Variants in MUC13 observed in about 807,000 individuals in gnomAD.
MUC13 encodes the protein mucin 13, cell surface associated, also known as mucin-13.
A neutral mutation model predicts 48.3 loss-of-function variants in MUC13; 32 were observed. That is an observed-to-expected ratio of 0.66 (90% CI 0.50 to 0.89). MUC13 has a LOEUF of 0.89. MUC13 is among the 40% of genes least tolerant of loss of function. The pLI is 0.00. For synonymous variants in MUC13, 199 were observed against 224.9 expected (o/e 0.88, Z 1.03); for missense variants, 571 against 622.8 (o/e 0.92, Z 0.88).
At chr3:124,913,937 C>T (rs767613490) in intron 6 of MUC13, among the ~76,000 whole-genome samples, 6 of 152,124 alleles carry the variant, frequency 3.9e-5, no homozygotes, top group African/African-American at 7.2e-5. Context: ...TGGCAAGCTC[C>T]TGTAGTCCCA....
chr3:124,913,452 T>G, intron 7 of MUC13, 110 bp downstream of exon 7: 1 of 1,543,174 alleles, frequency 6.5e-7, no homozygotes, highest in Non-Finnish European at 8.9e-7. Context: ...AGAAGTCAGA[T>G]CACTCGGACT....
chr3:124,912,863 G>C (rs997757802), intron 8 of MUC13, among the ~76,000 whole-genome samples: 3 of 151,578 alleles, frequency 2.0e-5, no homozygotes, highest in Admixed American at 6.6e-5. Flanking sequence ...TTGAACCTGG[G>C]GGGTGGAGGT....
chr3:124,931,851 T>C (rs1935804567), intron 1 of MUC13, among the ~76,000 whole-genome samples: 1 of 151,992 alleles, frequency 6.6e-6, no homozygotes, highest in Non-Finnish European at 1.5e-5. Flanking sequence ...GAGAACAGCC[T>C]GGCCAATGTA....
intron 1 of MUC13, 95 bp downstream of exon 1, chr3:124,934,566 C>A: frequency 1.2e-6 from 1 of 830,278 alleles, no homozygotes; most frequent in South Asian, 1.4e-5. Flanking sequence ...AGACCATGTG[C>A]TGGGCTGGGA....
At chr3:124,920,351 A>C in intron 4 of MUC13, 62 bp from the exon 5 acceptor site, 1 of 1,286,170 alleles carries the variant, frequency 7.8e-7, no homozygotes, top group East Asian at 2.5e-5. Flanking sequence ...TTTTCTACAA[A>C]TCAAATGAGG....
Position 124,913,012 on chromosome 3 carries a change from A to C in MUC13, c.1214+99T>G, listed in dbSNP as rs567733282. Reference sequence around the variant, plus strand: ...TGTCTCTACCAACCTATGACAGCTTACCAGCTTCCTGACTCAACACCTATA... The same window carrying C: ...TGTCTCTACCAACCTATGACAGCTTCCCAGCTTCCTGACTCAACACCTATA... On this transcript the variant is annotated intron_variant, in intron 8 of 11. Coordinates refer to ENST00000616727, the MANE Select transcript of MUC13 (RefSeq NM_033049.4). 4.4e-4 allele frequency: 620 copies of C among 1,416,564 alleles called. 1 individual carries two copies. The highest frequency in any genetic ancestry group is 5.7e-4 in the Non-Finnish European group (599 of 1,056,128). The allele number at this position is 1,416,564 out of a possible 1,614,324, so 87.7% of individuals were successfully genotyped here. A position where few individuals can be genotyped will look rare whatever the true frequency, so the allele number is the denominator to read the frequency against.
intron 6 of MUC13, 43 bp downstream of exon 6, chr3:124,916,274 T>C (rs759548925): frequency 1.3e-6 from 2 of 1,487,498 alleles, no homozygotes; most frequent in Non-Finnish European, 1.9e-6. Context: ...AAAAGGTAGG[T>C]AGGTCTTCAG....
At chr3:124,930,352 T>G (rs1371357786) in intron 1 of MUC13, among the ~76,000 whole-genome samples, 1 of 4,286 alleles carries the variant, frequency 2.3e-4, no homozygotes, top group Non-Finnish European at 1.3e-3. Context: ...ATAGCTACGA[T>G]TTTTTTTTAA....
rs759621961 is a variant in MUC13 at position 124,913,163 on chromosome 3, C to T, written c.1162G>A (p.Glu388Lys). The change falls in exon 8 of 12, where the codon GAG (glutamate) becomes AAG (lysine). Residue 388 changes from glutamate to lysine, a missense_variant. By Grantham distance (56) the Glu-to-Lys change is moderately conservative. Coordinates refer to ENST00000616727, the MANE Select transcript of MUC13 (RefSeq NM_033049.4). Reference sequence around the variant, plus strand: ...TGGTAGCCGGGCACGCACGCACACTCAGGGGCCCCACCACTCTTCTTTATT... The same window carrying T: ...TGGTAGCCGGGCACGCACGCACACTTAGGGGCCCCACCACTCTTCTTTATT... ...CLIKKSGGAP[E>K]CACVPGYQED... is the part of the protein sequence containing the mutation. 2.4e-5 allele frequency: 39 copies of T among 1,614,024 alleles called. No individual in the cohort carries two copies. The South Asian group carries it at 4.0e-4, about 16-fold the overall frequency.
Position 124,910,374 on chromosome 3 carries a change from A to C in MUC13, c.1337+41T>G, listed in dbSNP as rs565794783. On this transcript the variant is annotated intron_variant, in intron 10 of 11. Transcript: ENST00000616727. ...CATAGTGAGACCCCCCCATCTCTCT[A>C]TAAAAAAAAAAAATTTAAAAAGGAC... The C allele has an allele frequency of 1.5e-5, 23 of 1,575,214 alleles. 1 individual carries two copies. The Admixed American group carries it at 3.6e-4, about 25-fold the overall frequency.
intron 8 of MUC13, 139 bp downstream of exon 8, chr3:124,912,972 C>T (rs2107668219): frequency 2.2e-6 from 1 of 446,140 alleles, no homozygotes; most frequent in Non-Finnish European, 3.8e-6. Context: ...TTGATGATGA[C>T]AATGATGAGG....
intron 1 of MUC13, among the ~76,000 whole-genome samples, chr3:124,934,293 G>T (rs1047101607): frequency 6.6e-6 from 1 of 152,146 alleles, no homozygotes. Flanking sequence ...GAGTAGCTGA[G>T]ACTACAGGTG....
chr3:124,931,793 C>T (rs1459569628), intron 1 of MUC13, among the ~76,000 whole-genome samples: 1 of 149,628 alleles, frequency 6.7e-6, no homozygotes, highest in Non-Finnish European at 1.5e-5. Context: ...GCCTGTAATC[C>T]CAGAACTTTG....
intron 5 of MUC13, among the ~76,000 whole-genome samples, chr3:124,917,934 T>G (rs1054582454): frequency 1.3e-5 from 2 of 152,170 alleles, no homozygotes; most frequent in African/African-American, 4.8e-5. Context: ...TATACACTAA[T>G]TCAGGAGAGG....
At chr3:124,912,971 A>G in intron 8 of MUC13, 140 bp downstream of exon 8, 1 of 626,650 alleles carries the variant, frequency 1.6e-6, no homozygotes, top group Non-Finnish European at 2.5e-6. Flanking sequence ...ATTGATGATG[A>G]CAATGATGAG....
chr3:124,931,554 C>T (rs1935798207), intron 1 of MUC13, among the ~76,000 whole-genome samples: 1 of 148,838 alleles, frequency 6.7e-6, no homozygotes, highest in Non-Finnish European at 1.5e-5. Context: ...TTGGGATCAG[C>T]CTGGCCAACA....
chr3:124,919,174 A>G (rs1367810370), intron 5 of MUC13, among the ~76,000 whole-genome samples: 4 of 144,942 alleles, frequency 2.8e-5, no homozygotes, highest in Non-Finnish European at 4.4e-5. Context: ...CGTCTCTACT[A>G]AAAATACAAA....
intron 1 of MUC13, among the ~76,000 whole-genome samples, chr3:124,930,082 C>T (rs1307715560): frequency 1.3e-5 from 2 of 152,116 alleles, no homozygotes; most frequent in African/African-American, 2.4e-5. Flanking sequence ...CCCACCAGAC[C>T]CTGAATTTCA....
intron 5 of MUC13, among the ~76,000 whole-genome samples, chr3:124,919,195 G>A (rs759054001): frequency 6.6e-5 from 10 of 151,876 alleles, no homozygotes; most frequent in Non-Finnish European, 1.3e-4. Context: ...AATTAGGCTG[G>A]GCGTGGTGGT....
Sources: allele counts gnomAD v4.1 joint callset (sites outside exome capture counted in the v4.1 genomes callset), GRCh38; gene constraint gnomAD v4.1.1; transcripts MANE v1.5; gene names NCBI Gene and HGNC (gene_info 2026-07-23, HGNC 2026-07-21).